The following RNF141 variants were observed in gnomAD, a reference collection of about 807,000 sequenced individuals.
RNF141 encodes C3HC4-like zinc finger protein.
RNF141 carries 18 observed loss-of-function variants against 27.4 expected under a neutral mutation model. The ratio of observed to expected loss-of-function variants is 0.66; its 90% CI spans 0.45 to 0.97. The LOEUF (loss-of-function observed/expected upper bound fraction) is 0.97. RNF141 is among the 50% of genes least tolerant of loss of function. The probability of loss-of-function intolerance (pLI) is 0.00; values close to 1 mark genes in which losing one functional copy is unlikely to be tolerated. For synonymous variants in RNF141, 97 were observed against 96.6 expected (o/e 1.00, Z -0.02); for missense variants, 230 against 279.4 (o/e 0.82, Z 1.26).
At chr11:10,521,275 T>A (rs1849885937) in intron 4 of RNF141, among the ~76,000 whole-genome samples, 1 of 152,324 alleles carries the variant, frequency 6.6e-6, no homozygotes, top group African/African-American at 2.4e-5. Flanking sequence ...CTTGCCTCAA[T>A]GAAAAGACTT....
chr11:10,532,763 C>T (rs747148051), intron 2 of RNF141, among the ~76,000 whole-genome samples: 114 of 152,074 alleles, frequency 7.5e-4, no homozygotes, highest in Non-Finnish European at 1.4e-3. Flanking sequence ...GTAATGCCTA[C>T]GGAGTGGGTT....
intron 5 of RNF141, 86 bp from the exon 6 acceptor site, chr11:10,515,152 TTAAA>T: frequency 7.3e-7 from 1 of 1,377,906 alleles, no homozygotes; most frequent in Non-Finnish European, 9.8e-7. Context: ...CACATGGCTT[TTAAA>T]AAGGAAATAG....
At chr11:10,532,496 TACACACACACACACACACACAC>T (rs10559393) in intron 2 of RNF141, among the ~76,000 whole-genome samples, 4 of 131,156 alleles carry the variant, frequency 3.0e-5, no homozygotes, top group Admixed American at 1.5e-4. Context: ...GTTCATTTTC[TACACACACACACACACACACAC>T]ACACACACAC....
chr11:10,527,489 CAG>C (rs760113345), intron 3 of RNF141, among the ~76,000 whole-genome samples: 10 of 148,578 alleles, frequency 6.7e-5, no homozygotes, highest in African/African-American at 1.5e-4. Context: ...GCAAGGAGCA[CAG>C]AGAGTCTCAC....
chr11:10,514,888 A>G lies in RNF141; in HGVS notation c.*28T>C. 3 of 1,586,668 alleles carry G rather than the reference A, an allele frequency of 1.9e-6. No homozygotes were observed. The highest frequency in any genetic ancestry group is 2.6e-6 in the Non-Finnish European group (3 of 1,165,516). On this transcript the variant is annotated 3_prime_UTR_variant, in exon 6 of 6. Coordinates refer to ENST00000265981, the MANE Select transcript of RNF141 (RefSeq NM_016422.4). ...CCATGACCAAATATTTGAGCCCACA[A>G]TAGCAACAGAAGACTTTCACTTCAA...
chr11:10,532,559 T>C (rs906698936), intron 2 of RNF141, among the ~76,000 whole-genome samples: 1 of 151,574 alleles, frequency 6.6e-6, no homozygotes, highest in African/African-American at 2.4e-5. Context: ...TATACAGCTT[T>C]TTGTTTTATA....
chr11:10,515,882 AG>A (rs765493420), intron 5 of RNF141: 11 of 152,222 alleles, frequency 7.2e-5, no homozygotes, highest in Non-Finnish European at 1.5e-4. Context: ...TTTTTCTGGC[AG>A]GGGAAGAACT....
intron 1 of RNF141, among the ~76,000 whole-genome samples, chr11:10,540,262 TC>T: frequency 6.6e-6 from 1 of 152,112 alleles, no homozygotes; most frequent in East Asian, 1.9e-4. Flanking sequence ...TTGAAAGTGT[TC>T]CAGCAGCTTT....
chr11:10,520,271 A>G (rs981505957), intron 4 of RNF141, among the ~76,000 whole-genome samples: 2 of 152,164 alleles, frequency 1.3e-5, no homozygotes, highest in Admixed American at 1.3e-4. Flanking sequence ...TTGTAACAAC[A>G]CTTACCTTAA....
chr11:10,515,193 T>A, intron 5 of RNF141, 127 bp from the exon 6 acceptor site: 1 of 1,008,250 alleles, frequency 9.9e-7, no homozygotes. Flanking sequence ...GAAAAATAAA[T>A]CCCTCCCTCC....
Position 10,515,054 on chromosome 11 carries a change from G to T in RNF141, c.555C>A (p.His185Gln), listed in dbSNP as rs778944428. Residue 185 changes from histidine to glutamine, a missense_variant, in exon 6 of 6, where the codon CAC becomes CAA. His to Gln is a conservative substitution (Grantham distance 24). Coordinates refer to ENST00000265981, the MANE Select transcript of RNF141 (RefSeq NM_016422.4). ...QKCIDKWSDR[H>Q]RNCPICRLQM... ...GTAGGCGACAAATAGGGCAATTCCT[G>T]TGTCGATCACTCCTATTAGAGAAGT... The T allele has an allele frequency of 6.2e-7, 1 of 1,613,344 alleles. No individual in the cohort carries two copies. The highest frequency in any genetic ancestry group is 8.5e-7 in the Non-Finnish European group (1 of 1,179,732).
chr11:10,537,254 A>G (rs1850045689), intron 1 of RNF141, among the ~76,000 whole-genome samples: 1 of 152,212 alleles, frequency 6.6e-6, no homozygotes, highest in South Asian at 2.1e-4. Flanking sequence ...AGTACATCTA[A>G]TAAGTGTTAC....
At position 10,530,680 on chromosome 11, in the gene RNF141, G is replaced by A. The variant is rs758345406; in HGVS notation, c.215C>T (p.Ala72Val). The A allele has an allele frequency of 3.1e-6, 5 of 1,611,576 alleles. No individual in the cohort carries two copies. The highest frequency in any genetic ancestry group is 4.2e-6 in the Non-Finnish European group (5 of 1,178,436). The change falls in exon 3 of 6, where the codon GCT becomes GTT. Residue 72 changes from alanine to valine, a missense_variant. Coordinates refer to ENST00000265981, the MANE Select transcript of RNF141 (RefSeq NM_016422.4). Reference sequence around the variant, plus strand: ...CACCCGTACAACCACTTTCCAAAAAGCAGAGGAATCAGACCCAGGTTGTAC... The same window carrying A: ...CACCCGTACAACCACTTTCCAAAAAACAGAGGAATCAGACCCAGGTTGTAC... ...FEVQPGSDSS[A>V]FWKVVVRVVC...
chr11:10,531,971 T>G (rs766565764), intron 2 of RNF141: 1 of 451,740 alleles, frequency 2.2e-6, no homozygotes, highest in Admixed American at 2.4e-5. Context: ...TTCTGACCCA[T>G]GGAAATTGGT....
chr11:10,516,683 C>T (rs1374166988), intron 5 of RNF141: 1 of 152,248 alleles, frequency 6.6e-6, no homozygotes, highest in African/African-American at 2.4e-5. Context: ...GGATAGTCCC[C>T]TAAAGCTCAC....
chr11:10,514,964 G>C lies in RNF141; in HGVS notation c.645C>G (p.Asn215Lys), dbSNP rs1454306968. 1.2e-6 allele frequency: 2 copies of C among 1,613,840 alleles called. No individual in the cohort carries two copies. Among genetic ancestry groups the C allele is most frequent in the Admixed American group, 3.3e-5 (2 of 59,970 alleles). ...CCTCATCAGCCATGTTAAGAATATAGTTAGCCATATCATCTTCAGTGGGTG... is the reference window on the plus strand; with the variant it reads ...CCTCATCAGCCATGTTAAGAATATACTTAGCCATATCATCTTCAGTGGGTG... ...SDAPTEDDMA[N>K]YILNMADEAG... The change falls in exon 6 of 6, where the codon AAC (asparagine) becomes AAG (lysine). Residue 215 changes from asparagine (N) to lysine (K), a missense_variant. Asn to Lys is a moderately conservative substitution (Grantham distance 94). Coordinates refer to ENST00000265981, the MANE Select transcript of RNF141 (RefSeq NM_016422.4).
chr11:10,523,208 ACT>A (rs1264990835), intron 4 of RNF141, among the ~76,000 whole-genome samples: 1 of 152,126 alleles, frequency 6.6e-6, no homozygotes, highest in Admixed American at 6.5e-5. Flanking sequence ...AGCTTGACAG[ACT>A]CTCAGGCTCC....
At chr11:10,532,528 CACACACACACCCCA>C (rs1849996644) in intron 2 of RNF141, among the ~76,000 whole-genome samples, 12 of 146,656 alleles carry the variant, frequency 8.2e-5, no homozygotes, top group Admixed American at 2.1e-4. Context: ...CACACACACA[CACACACACACCCCA>C]CAACTATATA....
intron 4 of RNF141, among the ~76,000 whole-genome samples, chr11:10,523,036 G>C (rs753031326): frequency 5.4e-4 from 82 of 152,366 alleles, no homozygotes; most frequent in Non-Finnish European, 9.7e-4. Context: ...ATAGTGATTA[G>C]AGCCATCTGA....
Sources: gnomAD v4.1 joint callset for allele counts (sites outside exome capture counted in the v4.1 genomes callset) on GRCh38, gnomAD v4.1.1 for gene constraint, MANE v1.5 for transcripts, NCBI Gene and HGNC (gene_info 2026-07-23, HGNC 2026-07-21) for gene names.